Variants in SHOC2 observed in about 807,000 individuals in gnomAD.
SHOC2 encodes SHOC2 leucine rich repeat scaffold protein.
Under a neutral mutation model 50.2 loss-of-function variants are expected in SHOC2, and 4 were observed. The observed-to-expected ratio is 0.08, with a 90% CI of 0.04 to 0.18. The LOEUF (loss-of-function observed/expected upper bound fraction) is 0.18. Ranked by LOEUF, SHOC2 falls within the 10% of genes least tolerant of loss-of-function variation. The pLI is 1.00. For missense variants in SHOC2, 388 were observed against 669.6 expected (o/e 0.58, Z 4.64); for synonymous variants, 218 against 244.5 (o/e 0.89, Z 1.01).
intron 2 of SHOC2, among the ~76,000 whole-genome samples, chr10:110,977,250 T>C (rs976638171): frequency 2.6e-5 from 4 of 152,174 alleles, no homozygotes; most frequent in Non-Finnish European, 5.9e-5. Context: ...CTTCTTTGCA[T>C]GTCTGGTAAT....
At chr10:110,987,426 CTA>C (rs780736745) in intron 3 of SHOC2, among the ~76,000 whole-genome samples, 28 of 152,096 alleles carry the variant, frequency 1.8e-4, no homozygotes, top group Non-Finnish European at 2.6e-4. Flanking sequence ...CCGTTAGAAT[CTA>C]TGTTTCCCTG....
At chr10:110,920,045 C>G (rs1286482447) in intron 1 of SHOC2, 2 of 149,848 alleles carry the variant, frequency 1.3e-5, no homozygotes, top group African/African-American at 2.4e-5. Context: ...GGCGGACAGT[C>G]TCTCTCCTCT....
chr10:110,976,437 G>A (rs1344722728), intron 2 of SHOC2, among the ~76,000 whole-genome samples: 2 of 150,916 alleles, frequency 1.3e-5, no homozygotes, highest in Admixed American at 6.6e-5. Flanking sequence ...TCAGCCTCCC[G>A]AGTCGCTGGG....
At chr10:111,002,792 A>G (rs374158136) in intron 4 of SHOC2, among the ~76,000 whole-genome samples, 1 of 147,164 alleles carries the variant, frequency 6.8e-6, no homozygotes, top group Non-Finnish European at 1.5e-5. Context: ...AAAAAAAAAA[A>G]TGATAAGCAA....
At chr10:110,983,162 A>G (rs540919237) in intron 2 of SHOC2, among the ~76,000 whole-genome samples, 31 of 152,198 alleles carry the variant, frequency 2.0e-4, no homozygotes, top group African/African-American at 7.5e-4. Context: ...TAAACACCAT[A>G]GGATCAGTAT....
intron 5 of SHOC2, 29 bp downstream of exon 5, chr10:111,004,823 G>A: frequency 6.7e-7 from 1 of 1,490,308 alleles, no homozygotes; most frequent in Non-Finnish European, 9.3e-7. Context: ...ACTAGGGAAA[G>A]GAATTGCTTT....
chr10:110,932,070 A>G (rs1846906130), intron 1 of SHOC2, among the ~76,000 whole-genome samples: 1 of 152,160 alleles, frequency 6.6e-6, no homozygotes, highest in African/African-American at 2.4e-5. Flanking sequence ...TGAGGTCTGA[A>G]GAGTAAGTAG....
intron 1 of SHOC2, among the ~76,000 whole-genome samples, chr10:110,929,972 A>G (rs1264105853): frequency 6.6e-6 from 1 of 152,210 alleles, no homozygotes; most frequent in African/African-American, 2.4e-5. Context: ...GCCTTTCAAT[A>G]TCTTGAGTAA....
intron 1 of SHOC2, among the ~76,000 whole-genome samples, chr10:110,953,442 T>C (rs1267552490): frequency 6.6e-6 from 1 of 152,198 alleles, no homozygotes; most frequent in Non-Finnish European, 1.5e-5. Context: ...TTTAAAATTC[T>C]TTTGTGTCTT....
intron 4 of SHOC2, among the ~76,000 whole-genome samples, chr10:111,001,537 C>T (rs557287104): frequency 6.6e-6 from 1 of 152,312 alleles, no homozygotes; most frequent in Non-Finnish European, 1.5e-5. Flanking sequence ...CCTATTTTAG[C>T]ATGTCGACAA....
chr10:110,979,031 T>C (rs1424918614), intron 2 of SHOC2, among the ~76,000 whole-genome samples: 1 of 152,248 alleles, frequency 6.6e-6, no homozygotes, highest in Non-Finnish European at 1.5e-5. Flanking sequence ...ATAGTTTCTT[T>C]GTTTTGGGTA....
At chr10:110,985,861 T>C (rs1417267607) in intron 3 of SHOC2, 96 bp downstream of exon 3, 7 of 1,051,996 alleles carry the variant, frequency 6.7e-6, no homozygotes, top group Non-Finnish European at 1.0e-5. Context: ...AATTCAGGAG[T>C]AAAATTCACA....
chr10:110,951,909 C>T (rs1010349815), intron 1 of SHOC2: 1 of 152,228 alleles, frequency 6.6e-6, no homozygotes, highest in African/African-American at 2.4e-5. Flanking sequence ...CCGCCCGCCT[C>T]AGGCTCTTAA....
intron 2 of SHOC2, among the ~76,000 whole-genome samples, chr10:110,978,947 G>A (rs1429357690): frequency 2.6e-5 from 4 of 152,180 alleles, no homozygotes; most frequent in Non-Finnish European, 4.4e-5. Flanking sequence ...TGTGATTGCT[G>A]TATTAGTTAT....
At chr10:110,932,832 A>G (rs892022106) in intron 1 of SHOC2, among the ~76,000 whole-genome samples, 7 of 152,210 alleles carry the variant, frequency 4.6e-5, no homozygotes, top group Non-Finnish European at 8.8e-5. Flanking sequence ...AGTGCAAGGT[A>G]TACTAAGTGC....
chr10:110,958,650 T>G (rs1847514441), intron 1 of SHOC2, among the ~76,000 whole-genome samples: 1 of 152,198 alleles, frequency 6.6e-6, no homozygotes, highest in Non-Finnish European at 1.5e-5. Flanking sequence ...ACCTCCCTCC[T>G]TTATTCTAAA....
chr10:110,995,627 T>C (rs1196256119), intron 3 of SHOC2, among the ~76,000 whole-genome samples: 1 of 152,224 alleles, frequency 6.6e-6, no homozygotes, highest in Non-Finnish European at 1.5e-5. Context: ...ACAAATGTTA[T>C]GGTAAAGTCC....
chr10:110,992,156 C>T (rs1250410270), intron 3 of SHOC2, among the ~76,000 whole-genome samples: 1 of 151,974 alleles, frequency 6.6e-6, no homozygotes, highest in Non-Finnish European at 1.5e-5. Context: ...ACTATCACTC[C>T]CCTGTGATAA....
intron 1 of SHOC2, among the ~76,000 whole-genome samples, chr10:110,941,752 C>G (rs1447228853): frequency 6.6e-6 from 1 of 151,938 alleles, no homozygotes; most frequent in Non-Finnish European, 1.5e-5. Flanking sequence ...ATTTGTGGGG[C>G]AAAACTTTTT....
Sources: gnomAD v4.1 joint callset for allele counts (sites outside exome capture counted in the v4.1 genomes callset) on GRCh38, gnomAD v4.1.1 for gene constraint, MANE v1.5 for transcripts, NCBI Gene and HGNC (gene_info 2026-07-23, HGNC 2026-07-21) for gene names.